The following GABRG1 variants were observed in gnomAD, a reference collection of about 807,000 sequenced individuals.
GABRG1 encodes gamma-aminobutyric acid receptor subunit gamma-1.
GABRG1 carries 49 observed loss-of-function variants against 49.8 expected under a neutral mutation model. The observed-to-expected ratio is 0.98, with a 90% CI of 0.78 to 1.25. The LOEUF (loss-of-function observed/expected upper bound fraction) is 1.25, where lower values mean the gene tolerates loss of function less well. Among genes scored for constraint, GABRG1 ranks in the 50% most tolerant of loss-of-function variants. The pLI, the probability that GABRG1 is intolerant of heterozygous loss-of-function variation, is 0.00. For synonymous variants in GABRG1, 232 were observed against 185.1 expected, an observed-to-expected ratio of 1.25 and a Z score of -2.06; for missense variants, 552 against 552.3, an observed-to-expected ratio of 1.00 and a Z score of 0.01.
chr4:46,111,956 A>G (rs548895057), intron 1 of GABRG1, among the ~76,000 whole-genome samples: 2 of 151,488 alleles, frequency 1.3e-5, no homozygotes, highest in Non-Finnish European at 1.5e-5. Context: ...CTCAGTCCTC[A>G]AAAGAAATTG....
In GABRG1 at chr4:46,040,405, A is replaced by G. The variant is rs1717724123; in HGVS notation, c.*583T>C. On this transcript the variant is annotated 3_prime_UTR_variant, in exon 9 of 9. Coordinates refer to ENST00000295452, the MANE Select transcript of GABRG1 (RefSeq NM_173536.4). ...TGGATTAAAAGACAGGTAAAAATTG[A>G]CCTTTTCATAAGTCTTCAGTAACTG... 1 of 152,370 alleles carries G rather than the reference A, an allele frequency of 6.6e-6. No homozygotes were observed. Among genetic ancestry groups the G allele is most frequent in the Admixed American group, 6.6e-5 (1 of 15,174 alleles). 9.4% of individuals were successfully genotyped at this position (152,370 alleles called of 1,614,324 possible).
At position 46,039,694 on chromosome 4, in the gene GABRG1, T is replaced by G. The variant is rs1175953854; in HGVS notation, c.*1294A>C. ...GGATTATAATGATTGAAGCCTAAATTTATTCTTAACAAAAGAGACATTTTT... is the reference window on the plus strand; with the variant it reads ...GGATTATAATGATTGAAGCCTAAATGTATTCTTAACAAAAGAGACATTTTT... On this transcript the variant is annotated 3_prime_UTR_variant, in exon 9 of 9. Transcript: ENST00000295452. 6.6e-6 allele frequency: 1 copy of G among 151,738 alleles called. No homozygotes were observed. The highest frequency in any genetic ancestry group is 1.9e-4 in the East Asian group (1 of 5,172). The allele number at this position is 151,738 out of a possible 1,614,324, so 9.4% of individuals were successfully genotyped here.
At chr4:46,085,012 C>G (rs1475107648) in intron 2 of GABRG1, among the ~76,000 whole-genome samples, 1 of 151,486 alleles carries the variant, frequency 6.6e-6, no homozygotes, top group Admixed American at 6.6e-5. Flanking sequence ...TTAGTTCCAT[C>G]TGTAAGTACA....
intron 1 of GABRG1, among the ~76,000 whole-genome samples, chr4:46,109,151 C>CT (rs553460935): frequency 2.5e-4 from 37 of 150,000 alleles, no homozygotes; most frequent in Admixed American, 6.7e-4. Context: ...TGGCCCAGGG[C>CT]TTTTTTTTGG....
intron 1 of GABRG1, among the ~76,000 whole-genome samples, chr4:46,105,916 T>A (rs2109437245): frequency 6.6e-6 from 1 of 151,548 alleles, no homozygotes; most frequent in Non-Finnish European, 1.5e-5. Flanking sequence ...GCAAAACAAG[T>A]GAAGGAGTCC....
intron 3 of GABRG1, among the ~76,000 whole-genome samples, chr4:46,079,778 G>C (rs1441052408): frequency 1.3e-5 from 2 of 151,770 alleles, no homozygotes; most frequent in African/African-American, 4.8e-5. Context: ...TGGCCCTTGA[G>C]TGTTGTACTT....
chr4:46,113,423 T>C (rs1720783099), intron 1 of GABRG1, among the ~76,000 whole-genome samples: 1 of 150,974 alleles, frequency 6.6e-6, no homozygotes, highest in East Asian at 2.0e-4. Flanking sequence ...TAGGGGTAAC[T>C]GCCCCCATGA....
At chr4:46,119,441 T>C (rs1224856387) in intron 1 of GABRG1, among the ~76,000 whole-genome samples, 1 of 151,556 alleles carries the variant, frequency 6.6e-6, no homozygotes, top group Non-Finnish European at 1.5e-5. Flanking sequence ...ATCAGCAAGA[T>C]GACCTTTAAT....
intron 3 of GABRG1, among the ~76,000 whole-genome samples, chr4:46,068,060 G>A (rs1327175198): frequency 6.6e-6 from 1 of 152,188 alleles, no homozygotes; most frequent in South Asian, 2.1e-4. Context: ...TGACACAAAT[G>A]ACTAACCATT....
intron 1 of GABRG1, among the ~76,000 whole-genome samples, chr4:46,106,077 G>A (rs972722997): frequency 6.6e-6 from 1 of 151,424 alleles, no homozygotes; most frequent in African/African-American, 2.4e-5. Context: ...GCAATCAACA[G>A]GCAGGCTGCT....
chr4:46,122,862 A>G (rs746849429), intron 1 of GABRG1, among the ~76,000 whole-genome samples: 6 of 152,066 alleles, frequency 3.9e-5, no homozygotes, highest in Non-Finnish European at 8.8e-5. Flanking sequence ...GTTGCATGGT[A>G]TGAGTACCAT....
At chr4:46,095,476 T>C (rs575258029) in intron 2 of GABRG1, among the ~76,000 whole-genome samples, 3 of 151,796 alleles carry the variant, frequency 2.0e-5, no homozygotes, top group Admixed American at 6.6e-5. Context: ...CTGAAACATA[T>C]ACTAAGAAAA....
intron 2 of GABRG1, among the ~76,000 whole-genome samples, chr4:46,089,652 T>TTAACAACAA (rs1469769932): frequency 6.6e-6 from 1 of 152,020 alleles, no homozygotes; most frequent in African/African-American, 2.4e-5. Flanking sequence ...TAGAATCTAC[T>TTAACAACAA]TGTAAAGTTG....
chr4:46,040,921 A>G lies in GABRG1; in HGVS notation c.*67T>C. 9 of 1,451,094 alleles carry G rather than the reference A, an allele frequency of 6.2e-6. 1 individual carries two copies. The South Asian group carries it at 7.9e-5, about 13-fold the overall frequency. The allele number at this position is 1,451,094 out of a possible 1,614,324, so 89.9% of individuals were successfully genotyped here. The stretch of plus-strand genomic sequence containing the variant: ...GCATTTTAAATTTAAACTTCAAGTT[A>G]CTGAAGCACAAAAGATTCTACTGAA... On this transcript the variant is annotated 3_prime_UTR_variant, in exon 9 of 9. Transcript: ENST00000295452.
chr4:46,062,849 T>C (rs1260707650), intron 5 of GABRG1, among the ~76,000 whole-genome samples: 5 of 151,956 alleles, frequency 3.3e-5, no homozygotes, highest in Non-Finnish European at 7.4e-5. Flanking sequence ...TGTACAAAAA[T>C]CACAAGCATT....
At chr4:46,061,868 T>A (rs975024541) in intron 5 of GABRG1, among the ~76,000 whole-genome samples, 14 of 136,788 alleles carry the variant, frequency 1.0e-4, no homozygotes, top group Non-Finnish European at 2.1e-4. Flanking sequence ...CAAATTTGTT[T>A]ATTTTATTTT....
chr4:46,096,179 T>C (rs1172053267), intron 2 of GABRG1, among the ~76,000 whole-genome samples: 2 of 151,346 alleles, frequency 1.3e-5, no homozygotes, highest in African/African-American at 4.8e-5. Flanking sequence ...TTTACAAATA[T>C]TACATGTTGT....
At position 46,105,004 on chromosome 4, in the gene GABRG1, A is replaced by T. The variant is rs185370986; in HGVS notation, c.105-7655T>A. 3.0e-4 allele frequency among the ~76,000 whole-genome samples: 46 copies of T among 151,624 alleles called. No homozygotes were observed. The East Asian group carries it at 8.0e-3, about 26-fold the overall frequency. ...AACATTACTGGATTTATAAAAGGTA[A>T]TTCAGAACTTCCTCTTGAAAACGGT... On this transcript the variant is annotated intron_variant, in intron 1 of 8. Transcript: ENST00000295452.
chr4:46,058,698 ATTCTT>A, intron 5 of GABRG1, 76 bp from the exon 6 acceptor site: 1 of 1,160,624 alleles, frequency 8.6e-7, no homozygotes, highest in Non-Finnish European at 1.2e-6. Context: ...CCAAAGGTAG[ATTCTT>A]GGAACTTTCT....
Sources: allele counts gnomAD v4.1 joint callset (sites outside exome capture counted in the v4.1 genomes callset), GRCh38; gene constraint gnomAD v4.1.1; transcripts MANE v1.5; gene names NCBI Gene and HGNC (gene_info 2026-07-23, HGNC 2026-07-21).